Variants in CNTN5 observed in about 807,000 individuals in gnomAD.
The protein encoded by CNTN5 is contactin 5, also known as contactin-5.
In CNTN5, 77 loss-of-function variants were observed where a neutral mutation model predicts 129.1. The ratio of observed to expected loss-of-function variants is 0.60; its 90% confidence interval spans 0.50 to 0.72. The LOEUF is 0.72. Ranked by LOEUF, CNTN5 falls within the 30% of genes least tolerant of loss-of-function variation. CNTN5 has a pLI of 0.00. For synonymous variants in CNTN5, 509 were observed against 465.6 expected, an observed-to-expected ratio of 1.09 and a Z score of -1.20; for missense variants, 1,478 against 1,328.8, an observed-to-expected ratio of 1.11 and a Z score of -1.75.
At chr11:99,820,421 A>C (rs1946761858) in intron 4 of CNTN5, among the ~76,000 whole-genome samples, 1 of 152,302 alleles carries the variant, frequency 6.6e-6, no homozygotes, top group Non-Finnish European at 1.5e-5. Context: ...ATTACTTATG[A>C]ATGGAAAATA....
At chr11:99,428,563 A>C (rs917020819) in intron 2 of CNTN5, among the ~76,000 whole-genome samples, 5 of 150,554 alleles carry the variant, frequency 3.3e-5, no homozygotes, top group South Asian at 4.2e-4. Flanking sequence ...CTGTCTCAAA[A>C]AAAAAAAAAA....
chr11:100,057,049 A>C (rs900873664), intron 9 of CNTN5, among the ~76,000 whole-genome samples: 1 of 151,310 alleles, frequency 6.6e-6, no homozygotes, highest in Non-Finnish European at 1.5e-5. Flanking sequence ...AGTGTATATC[A>C]CTCTGTGTAT....
In CNTN5 at chr11:99,819,545, G is replaced by C. The variant is rs768027790; in HGVS notation, c.57G>C (p.Glu19Asp). The C allele has an allele frequency of 6.2e-7, 1 of 1,603,730 alleles. No individual in the cohort carries two copies. Among genetic ancestry groups the C allele is most frequent in the Non-Finnish European group, 8.5e-7 (1 of 1,172,218 alleles). The change falls in exon 4 of 25, where the codon GAG (glutamate) becomes GAC (aspartate). Residue 19 changes from glutamate (E) to aspartate (D), a missense_variant and splice_region_variant. Coordinates refer to ENST00000524871, the MANE Select transcript of CNTN5 (RefSeq NM_014361.4). ...LFLSVTMCLS[E>D]YSKSLPGLST... is the part of the protein sequence containing the mutation. ...TTTATTATATTTTTTCTCTTACAGA[G>C]TATTCAAAATCTCTTCCTGGTCTCT... is the stretch of plus-strand genomic sequence containing the variant.
At chr11:99,248,224 A>AT (rs1343585585) in intron 1 of CNTN5, among the ~76,000 whole-genome samples, 7 of 152,090 alleles carry the variant, frequency 4.6e-5, no homozygotes, top group African/African-American at 1.7e-4. Flanking sequence ...GATGATGAGC[A>AT]TTTTTTCATG....
At chr11:99,995,849 A>T (rs1172468270) in intron 8 of CNTN5, among the ~76,000 whole-genome samples, 3 of 152,094 alleles carry the variant, frequency 2.0e-5, no homozygotes, top group Non-Finnish European at 4.4e-5. Context: ...GGCCTCAGCT[A>T]TTGCATTGTT....
intron 2 of CNTN5, among the ~76,000 whole-genome samples, chr11:99,532,421 C>A (rs1271086727): frequency 1.3e-5 from 2 of 152,040 alleles, no homozygotes; most frequent in African/African-American, 2.4e-5. Context: ...TGGGTTACTG[C>A]CGAAATGAGT....
chr11:99,093,448 T>C (rs1264497867), intron 1 of CNTN5, among the ~76,000 whole-genome samples: 2 of 151,410 alleles, frequency 1.3e-5, no homozygotes, highest in Non-Finnish European at 2.9e-5. Context: ...TTTTTCTGTT[T>C]TTTTTTTTAT....
At chr11:99,287,184 C>G (rs1863975077) in intron 1 of CNTN5, among the ~76,000 whole-genome samples, 1 of 152,076 alleles carries the variant, frequency 6.6e-6, no homozygotes, top group Non-Finnish European at 1.5e-5. Flanking sequence ...GTAAGTAGAG[C>G]ACTTAGGTGG....
intron 6 of CNTN5, among the ~76,000 whole-genome samples, chr11:99,900,506 C>A (rs1949327551): frequency 6.6e-6 from 1 of 151,686 alleles, no homozygotes; most frequent in African/African-American, 2.4e-5. Context: ...TTGCTGTATC[C>A]CAGAGGTTTT....
At chr11:100,071,322 C>T (rs1428121759) in intron 11 of CNTN5, among the ~76,000 whole-genome samples, 1 of 152,078 alleles carries the variant, frequency 6.6e-6, no homozygotes, top group Non-Finnish European at 1.5e-5. Flanking sequence ...CATGTGTCTA[C>T]AACCTCAGTC....
chr11:99,459,085 T>C (rs546875853), intron 2 of CNTN5, among the ~76,000 whole-genome samples: 11 of 152,170 alleles, frequency 7.2e-5, no homozygotes, highest in African/African-American at 2.4e-4. Context: ...GTTTTTGTCT[T>C]TTTAAGACCT....
rs778174637 is a variant in CNTN5, at chr11:100,299,227, A to G, written c.2451A>G (p.Gly817=). The stretch of plus-strand genomic sequence containing the variant: ...ATATTGTGGCTTTCAGACCCAATGG[A>G]ACACGTGGCTGGAAGGAAAAAATGG... ...FGYIVAFRPN[G]TRGWKEKMVT... Residue 817 remains glycine, a synonymous_variant, in exon 20 of 25, where the codon GGA becomes GGG. Transcript: ENST00000524871. The G allele has an allele frequency of 3.1e-6, 5 of 1,610,168 alleles. No individual in the cohort carries two copies. In the Admixed American group the frequency reaches 8.4e-5, roughly 27 times the overall value.
chr11:99,714,972 C>T (rs78382282), intron 3 of CNTN5, among the ~76,000 whole-genome samples: 2,239 of 151,822 alleles, frequency 0.015, 51 homozygotes, highest in African/African-American at 0.05. Context: ...TTTGAATATG[C>T]GCTCTAGTAT....
At chr11:99,982,454 G>A (rs1686645241) in intron 8 of CNTN5, among the ~76,000 whole-genome samples, 2 of 152,136 alleles carry the variant, frequency 1.3e-5, no homozygotes, top group Admixed American at 6.5e-5. Context: ...GGCAAAGGTA[G>A]TGAAGGTTTT....
chr11:99,338,794 G>T (rs1428463388), intron 2 of CNTN5, among the ~76,000 whole-genome samples: 1 of 151,200 alleles, frequency 6.6e-6, no homozygotes, highest in Non-Finnish European at 1.5e-5. Flanking sequence ...TATGTAAATT[G>T]TGTCAACTTT....
chr11:99,087,675 A>T (rs2135305384), intron 1 of CNTN5, among the ~76,000 whole-genome samples: 1 of 152,356 alleles, frequency 6.6e-6, no homozygotes, highest in Admixed American at 6.5e-5. Flanking sequence ...CTAATAATAA[A>T]TGTGGTACCC....
chr11:99,209,407 G>GT (rs2135663469), intron 1 of CNTN5, among the ~76,000 whole-genome samples: 2 of 152,212 alleles, frequency 1.3e-5, no homozygotes, highest in Admixed American at 1.3e-4. Flanking sequence ...AGTAGCTTGG[G>GT]GAGTCACATG....
chr11:99,883,838 A>C (rs900656887), intron 6 of CNTN5, among the ~76,000 whole-genome samples: 1 of 152,202 alleles, frequency 6.6e-6, no homozygotes, highest in Non-Finnish European at 1.5e-5. Flanking sequence ...CAGACTCACT[A>C]TATGTTAATC....
At chr11:99,397,965 T>C (rs928571813) in intron 2 of CNTN5, among the ~76,000 whole-genome samples, 2 of 151,890 alleles carry the variant, frequency 1.3e-5, no homozygotes, top group East Asian at 1.9e-4. Flanking sequence ...CAAATATTGC[T>C]GTATTTCACA....
Sources: allele counts gnomAD v4.1 joint callset (sites outside exome capture counted in the v4.1 genomes callset), GRCh38; gene constraint gnomAD v4.1.1; transcripts MANE v1.5; gene names NCBI Gene and HGNC (gene_info 2026-07-23, HGNC 2026-07-21).